The following RBMS3 variants were observed in gnomAD, a reference collection of about 807,000 sequenced individuals.
RBMS3 encodes RNA binding motif single stranded interacting protein 3.
RBMS3 carries 27 observed loss-of-function variants against 66.8 expected under a neutral mutation model. The ratio of observed to expected loss-of-function variants is 0.40; its 90% confidence interval spans 0.30 to 0.56. The LOEUF (loss-of-function observed/expected upper bound fraction) is 0.56. Among genes scored for constraint, RBMS3 ranks in the 20% least tolerant of loss-of-function variants. The pLI, the probability that RBMS3 is intolerant of heterozygous loss-of-function variation, is 0.40. For missense variants in RBMS3, 513 were observed against 549.5 expected, an observed-to-expected ratio of 0.93 and a Z score of 0.66; for synonymous variants, 188 against 183.0, an observed-to-expected ratio of 1.03 and a Z score of -0.22.
At chr3:29,425,947 C>T (rs1284676453) in intron 1 of RBMS3, among the ~76,000 whole-genome samples, 5 of 152,148 alleles carry the variant, frequency 3.3e-5, no homozygotes, top group Non-Finnish European at 7.3e-5. Flanking sequence ...GCAGATATTC[C>T]ATTATGGTCA....
chr3:29,308,675 G>A (rs1001912765), intron 1 of RBMS3, among the ~76,000 whole-genome samples: 41 of 150,262 alleles, frequency 2.7e-4, no homozygotes, highest in African/African-American at 1.0e-3. Context: ...CTAAAGGAAT[G>A]GTATGGCCAA....
chr3:29,338,467 T>C (rs1216255829), intron 1 of RBMS3, among the ~76,000 whole-genome samples: 1 of 152,194 alleles, frequency 6.6e-6, no homozygotes, highest in African/African-American at 2.4e-5. Flanking sequence ...GTGTGGTCCC[T>C]GGACAAGAAG....
chr3:29,457,437 C>T (rs1236064183), intron 2 of RBMS3, among the ~76,000 whole-genome samples: 1 of 152,124 alleles, frequency 6.6e-6, no homozygotes, highest in Non-Finnish European at 1.5e-5. Flanking sequence ...AAGATTCTCA[C>T]ATGGCCTGAA....
intron 1 of RBMS3, among the ~76,000 whole-genome samples, chr3:29,301,926 A>G (rs1286318432): frequency 2.6e-5 from 4 of 152,004 alleles, no homozygotes; most frequent in Non-Finnish European, 5.9e-5. Flanking sequence ...AAGAAACATG[A>G]TTTTGAAGCC....
chr3:29,551,290 T>G (rs954378052), intron 3 of RBMS3, among the ~76,000 whole-genome samples: 1 of 152,228 alleles, frequency 6.6e-6, no homozygotes, highest in Non-Finnish European at 1.5e-5. Context: ...GATTTAATTT[T>G]AGATTGACAG....
chr3:29,966,302 G>A (rs1696844499), intron 12 of RBMS3, among the ~76,000 whole-genome samples: 1 of 152,102 alleles, frequency 6.6e-6, no homozygotes, highest in Admixed American at 6.6e-5. Flanking sequence ...ACTGCTTTTG[G>A]CAGTATGGTC....
chr3:29,539,323 C>A (rs1182845211), intron 3 of RBMS3, among the ~76,000 whole-genome samples: 2 of 152,150 alleles, frequency 1.3e-5, no homozygotes, highest in African/African-American at 4.8e-5. Flanking sequence ...AAATAAACTC[C>A]TTTGTAGCAA....
intron 6 of RBMS3, among the ~76,000 whole-genome samples, chr3:29,789,466 C>G (rs2056930927): frequency 6.6e-6 from 1 of 151,892 alleles, no homozygotes; most frequent in Non-Finnish European, 1.5e-5. Context: ...GTCAGTTGTT[C>G]TACTATTGAA....
chr3:29,314,666 T>G (rs1210886081), intron 1 of RBMS3, among the ~76,000 whole-genome samples: 1 of 151,716 alleles, frequency 6.6e-6, no homozygotes, highest in East Asian at 1.9e-4. Context: ...AGATATGGTG[T>G]GCACAAAACC....
chr3:29,706,270 A>G (rs554271970), intron 4 of RBMS3, among the ~76,000 whole-genome samples: 1 of 152,300 alleles, frequency 6.6e-6, no homozygotes, highest in African/African-American at 2.4e-5. Flanking sequence ...GAGTAATTCC[A>G]GTGTTGTAAT....
intron 3 of RBMS3, chr3:29,556,222 A>G (rs1371441900): frequency 2.0e-5 from 3 of 152,190 alleles, no homozygotes; most frequent in Admixed American, 2.0e-4. Context: ...ACTTTATTTG[A>G]TAGGTCAAGG....
At chr3:29,538,164 A>G (rs913315374) in intron 3 of RBMS3, among the ~76,000 whole-genome samples, 1 of 152,210 alleles carries the variant, frequency 6.6e-6, no homozygotes, top group Non-Finnish European at 1.5e-5. Flanking sequence ...GACTCAAGAA[A>G]CATGAATAAA....
At chr3:29,570,616 GA>G (rs895970291) in intron 3 of RBMS3, among the ~76,000 whole-genome samples, 42 of 152,144 alleles carry the variant, frequency 2.8e-4, no homozygotes, top group African/African-American at 9.9e-4. Flanking sequence ...TTAATGTAAT[GA>G]CCTCCAGTTT....
At position 30,007,254 on chromosome 3, in the gene RBMS3, A is replaced by ATTTGTTTG. The variant is rs994036884; in HGVS notation, c.*3405_*3412dup. 2 of 151,914 alleles carry ATTTGTTTG rather than the reference A, an allele frequency of 1.3e-5. No homozygotes were observed. Among genetic ancestry groups the ATTTGTTTG allele is most frequent in the South Asian group, 2.1e-4 (1 of 4,834 alleles). 9.4% of individuals were successfully genotyped at this position (151,914 alleles called of 1,614,324 possible). A position where few individuals can be genotyped will look rare whatever the true frequency, so the allele number is the denominator to read the frequency against. On this transcript the variant is annotated 3_prime_UTR_variant, in exon 15 of 15. Coordinates refer to ENST00000383767, the MANE Select transcript of RBMS3 (RefSeq NM_001003793.3). ...TTAATCAACAAAATATATTGTAGTG[A>ATTTGTTTG]TTTGTTTGTTTGTTTGTTTGAGACG...
intron 4 of RBMS3, among the ~76,000 whole-genome samples, chr3:29,587,558 G>A (rs1257002582): frequency 1.3e-5 from 2 of 151,544 alleles, no homozygotes; most frequent in Non-Finnish European, 2.9e-5. Flanking sequence ...AAGATGGGGT[G>A]TGTCTGTGTG....
chr3:29,973,884 CCT>C (rs1697386412), intron 12 of RBMS3, among the ~76,000 whole-genome samples: 1 of 151,768 alleles, frequency 6.6e-6, no homozygotes, highest in Non-Finnish European at 1.5e-5. Context: ...ATTGTTGCCC[CCT>C]CTTTCAGTAC....
intron 3 of RBMS3, among the ~76,000 whole-genome samples, chr3:29,560,473 A>G (rs995610584): frequency 6.6e-6 from 1 of 152,232 alleles, no homozygotes; most frequent in South Asian, 2.1e-4. Context: ...CAGCACAAAC[A>G]TACATCACCA....
intron 6 of RBMS3, among the ~76,000 whole-genome samples, chr3:29,800,469 A>T (rs913184969): frequency 3.9e-5 from 6 of 152,226 alleles, no homozygotes; most frequent in Non-Finnish European, 8.8e-5. Flanking sequence ...AATATAAAAT[A>T]ATTTATGAGA....
Position 29,352,211 on chromosome 3 carries a change from T to C in RBMS3, c.75+70455T>C, listed in dbSNP as rs2036959165. Among the ~76,000 whole-genome samples the C allele has an allele frequency of 3.3e-5, 5 of 152,114 alleles. No individual in the cohort carries two copies. In the South Asian group the frequency reaches 1.0e-3, roughly 31 times the overall value. ...AATTTTCTGCAACTGCGTCTTTTTT[T>C]GAGACAAATATTTTGTTCGTTTTTG... On this transcript the variant is annotated intron_variant, in intron 1 of 14. Coordinates refer to ENST00000383767, the MANE Select transcript of RBMS3 (RefSeq NM_001003793.3).
Sources: gnomAD v4.1 joint callset for allele counts (sites outside exome capture counted in the v4.1 genomes callset) on GRCh38, gnomAD v4.1.1 for gene constraint, MANE v1.5 for transcripts, NCBI Gene and HGNC (gene_info 2026-07-23, HGNC 2026-07-21) for gene names.